TRPM3: variants seen among roughly 807,000 people sequenced by gnomAD.
TRPM3 encodes the protein transient receptor potential cation channel subfamily M member 3.
A neutral mutation model predicts 181.2 loss-of-function variants in TRPM3; 77 were observed. The observed-to-expected ratio is 0.42, with a 90% CI of 0.35 to 0.51. The LOEUF is 0.51. Ranked by LOEUF, TRPM3 falls within the 20% of genes least tolerant of loss-of-function variation. TRPM3 has a pLI of 0.01. For synonymous variants in TRPM3, 745 were observed against 796.4 expected, an observed-to-expected ratio of 0.94 and a Z score of 1.09; for missense variants, 1,759 against 2,196.7, an observed-to-expected ratio of 0.80 and a Z score of 3.98.
At chr9:70,595,306 A>G (rs1216119309) in intron 21 of TRPM3, among the ~76,000 whole-genome samples, 1 of 152,210 alleles carries the variant, frequency 6.6e-6, no homozygotes, top group Non-Finnish European at 1.5e-5. Context: ...AAAAACATCC[A>G]ATCTGATTAT....
At chr9:70,629,968 C>A (rs900226426) in intron 12 of TRPM3, among the ~76,000 whole-genome samples, 1 of 152,160 alleles carries the variant, frequency 6.6e-6, no homozygotes, top group Non-Finnish European at 1.5e-5. Context: ...AGGTGTCCTG[C>A]GTGGACTCTG....
At chr9:70,979,473 C>T (rs1468653296) in intron 1 of TRPM3, among the ~76,000 whole-genome samples, 4 of 152,098 alleles carry the variant, frequency 2.6e-5, no homozygotes, top group Admixed American at 6.5e-5. Context: ...AAGGAAAACA[C>T]GCAGAAGTCA....
chr9:71,115,857 G>A (rs1243022546), intron 1 of TRPM3, among the ~76,000 whole-genome samples: 2 of 152,176 alleles, frequency 1.3e-5, no homozygotes, highest in Non-Finnish European at 2.9e-5. Context: ...TAGGCTGCCT[G>A]AAGAACATTT....
chr9:71,356,931 G>C (rs1408231035), intron 1 of TRPM3, among the ~76,000 whole-genome samples: 1 of 152,070 alleles, frequency 6.6e-6, no homozygotes, highest in Non-Finnish European at 1.5e-5. Flanking sequence ...CAGAAATGTA[G>C]AGTGAGTAAT....
rs138722148 is a variant in TRPM3, at chr9:70,802,140, GGAAAGGA to G, written c.974-17868_974-17862del. Among the ~76,000 whole-genome samples, 690 of 152,272 alleles carry G rather than the reference GGAAAGGA, an allele frequency of 4.5e-3. 10 individuals are homozygous for G. The highest frequency in any genetic ancestry group is 0.016 in the African/African-American group (672 of 41,554). ...ACAGTGTCCTAGCGTAAAGCTGCAG[GGAAAGGA>G]GATTTTTGCCTGTGAAAAGAAGTGA... On this transcript the variant is annotated intron_variant, in intron 6 of 25. Transcript: ENST00000677713.
chr9:71,377,523 T>C (rs943509615), intron 1 of TRPM3, among the ~76,000 whole-genome samples: 4 of 152,126 alleles, frequency 2.6e-5, no homozygotes, highest in African/African-American at 9.7e-5. Flanking sequence ...GACAGTTCTG[T>C]AGCAAATCAC....
At chr9:70,903,710 C>T (rs1168024576) in intron 1 of TRPM3, among the ~76,000 whole-genome samples, 1 of 151,968 alleles carries the variant, frequency 6.6e-6, no homozygotes, top group Non-Finnish European at 1.5e-5. Context: ...ATTTTATTAG[C>T]TAGAGCCAGT....
chr9:70,599,884 T>G (rs2059587527), intron 20 of TRPM3, among the ~76,000 whole-genome samples: 1 of 152,218 alleles, frequency 6.6e-6, no homozygotes. Flanking sequence ...ATCAATCATC[T>G]ATTTATTCAT....
At chr9:70,657,394 A>G (rs567975900) in intron 9 of TRPM3, among the ~76,000 whole-genome samples, 2 of 151,744 alleles carry the variant, frequency 1.3e-5, no homozygotes, top group Non-Finnish European at 2.9e-5. Flanking sequence ...TTTTCAGCTC[A>G]TATAAGTTGT....
chr9:71,295,834 G>A (rs1321365653), intron 1 of TRPM3, among the ~76,000 whole-genome samples: 5 of 94,392 alleles, frequency 5.3e-5, no homozygotes, highest in African/African-American at 1.6e-4. Flanking sequence ...GTGAGATCCC[G>A]TCTCAAAAAA....
At chr9:70,981,263 A>G (rs1193923416) in intron 1 of TRPM3, among the ~76,000 whole-genome samples, 1 of 152,212 alleles carries the variant, frequency 6.6e-6, no homozygotes, top group Non-Finnish European at 1.5e-5. Flanking sequence ...AGCGTAGAAG[A>G]GCTTGAAAAT....
chr9:71,015,148 A>G (rs969473298), intron 1 of TRPM3, among the ~76,000 whole-genome samples: 1 of 152,196 alleles, frequency 6.6e-6, no homozygotes, highest in African/African-American at 2.4e-5. Flanking sequence ...TACCTGAACC[A>G]TAGATGGGCT....
At chr9:70,860,232 C>G (rs2095488532) in intron 3 of TRPM3, among the ~76,000 whole-genome samples, 1 of 152,118 alleles carries the variant, frequency 6.6e-6, no homozygotes, top group Admixed American at 6.6e-5. Context: ...AAACTTGAGG[C>G]TCAGCTAAGT....
chr9:71,152,701 A>T (rs2075796126), intron 1 of TRPM3, among the ~76,000 whole-genome samples: 1 of 152,152 alleles, frequency 6.6e-6, no homozygotes, highest in Non-Finnish European at 1.5e-5. Flanking sequence ...GGTTGAGGCC[A>T]TCATAGGAGT....
At position 70,944,891 on chromosome 9, in the gene TRPM3, GA is replaced by G. The variant is rs570560251; in HGVS notation, c.178-80381del. Among the ~76,000 whole-genome samples the G allele has an allele frequency of 4.4e-3, 608 of 138,282 alleles. 4 individuals are homozygous for G. Among genetic ancestry groups the G allele is most frequent in the African/African-American group, 0.012 (443 of 37,632 alleles). The allele number at this position is 138,282 out of a possible 152,430, so 90.7% of individuals were successfully genotyped here. A position where few individuals can be genotyped will look rare whatever the true frequency, so the allele number is the denominator to read the frequency against. ...GAGACAGACTACTCTGCTCACAGGT[GA>G]AAAAAAAAAAACCACATAAAAGCCT... On this transcript the variant is annotated intron_variant, in intron 1 of 25. Transcript: ENST00000677713.
At chr9:70,690,024 T>C (rs1254971410) in intron 8 of TRPM3, among the ~76,000 whole-genome samples, 1 of 152,162 alleles carries the variant, frequency 6.6e-6, no homozygotes, top group South Asian at 2.1e-4. Flanking sequence ...GTGATTTATA[T>C]GTATGCCACG....
rs764601787 is a variant in TRPM3 at position 70,784,319 on chromosome 9, A to G, written c.974-40T>C. 6.5e-6 allele frequency: 10 copies of G among 1,530,304 alleles called. No homozygotes were observed. In the South Asian group the frequency reaches 7.5e-5, roughly 12 times the overall value. The allele number at this position is 1,530,304 out of a possible 1,614,324, so 94.8% of individuals were successfully genotyped here. Reference sequence around the variant, plus strand: ...GAAAAGAAAAGGAAAAAAAGAGAAAAGAACACAAAGCCAGCAAACCAAAGA... The same window carrying G: ...GAAAAGAAAAGGAAAAAAAGAGAAAGGAACACAAAGCCAGCAAACCAAAGA... On this transcript the variant is annotated intron_variant, in intron 6 of 25. Coordinates refer to ENST00000677713, the MANE Select transcript of TRPM3 (RefSeq NM_001366145.2).
At chr9:70,895,551 G>A (rs1231199128) in intron 1 of TRPM3, among the ~76,000 whole-genome samples, 2 of 152,054 alleles carry the variant, frequency 1.3e-5, no homozygotes, top group African/African-American at 4.8e-5. Context: ...AAAGATAAAT[G>A]GACTATAGAA....
intron 1 of TRPM3, among the ~76,000 whole-genome samples, chr9:71,380,061 T>G (rs1033525777): frequency 6.6e-5 from 10 of 152,054 alleles, no homozygotes; most frequent in African/African-American, 2.4e-4. Flanking sequence ...TCCAAGAGTG[T>G]GTATGTATAG....
Sources: allele counts gnomAD v4.1 joint callset (sites outside exome capture counted in the v4.1 genomes callset), GRCh38; gene constraint gnomAD v4.1.1; transcripts MANE v1.5; gene names NCBI Gene and HGNC (gene_info 2026-07-23, HGNC 2026-07-21).